Variants in FAM13B observed in about 807,000 individuals in gnomAD.
FAM13B encodes the protein family with sequence similarity 13 member B, also known as protein FAM13B.
FAM13B carries 60 observed loss-of-function variants against 117.3 expected under a neutral mutation model. That is an observed-to-expected ratio of 0.51 (90% CI 0.42 to 0.63). FAM13B has a LOEUF of 0.63. FAM13B is among the 30% of genes least tolerant of loss of function. FAM13B has a pLI of 0.00. For missense variants in FAM13B, 972 were observed against 1,091.9 expected, an observed-to-expected ratio of 0.89 and a Z score of 1.55; for synonymous variants, 332 against 356.1, an observed-to-expected ratio of 0.93 and a Z score of 0.76.
In FAM13B at chr5:137,940,006, G is replaced by C; in HGVS notation, c.*219C>G. ...AAACCATATGTTTGCTAAAGGTGGA[G>C]AGGACAGTCTGTGGTTAATATGGAA... On this transcript the variant is annotated 3_prime_UTR_variant, in exon 24 of 24. Coordinates refer to ENST00000689681, the MANE Select transcript of FAM13B (RefSeq NM_001385994.1). The C allele has an allele frequency of 1.2e-6, 2 of 1,600,140 alleles. No homozygotes were observed. The highest frequency in any genetic ancestry group is 4.5e-5 in the East Asian group (2 of 44,650).
intron 7 of FAM13B, among the ~76,000 whole-genome samples, chr5:138,002,832 ATTT>A (rs377234068): frequency 7.2e-6 from 1 of 138,962 alleles, no homozygotes. Context: ...CACCCGGCTA[ATTT>A]TTTTTTTTTT....
In FAM13B at chr5:138,023,401, C is replaced by A. The variant is rs114422921; in HGVS notation, c.-202-2204G>T. ...AGGTATTCTTTAACCCTTAATTAGA[C>A]ATTGCAAGGCTCACCAATTTACCCA... is the stretch of plus-strand genomic sequence containing the variant. On this transcript the variant is annotated intron_variant, in intron 1 of 23. Transcript: ENST00000689681. 6.7e-3 allele frequency among the ~76,000 whole-genome samples: 1,024 copies of A among 152,218 alleles called. 12 individuals carry two copies. The highest frequency in any genetic ancestry group is 0.023 in the African/African-American group (936 of 41,526).
At chr5:138,029,551 GA>G (rs1328307171) in intron 1 of FAM13B, among the ~76,000 whole-genome samples, 3 of 152,036 alleles carry the variant, frequency 2.0e-5, no homozygotes, top group East Asian at 1.9e-4. Context: ...TTTTGCTATT[GA>G]AAAAAACTCC....
At chr5:137,950,161 C>T (rs1225661100) in intron 17 of FAM13B, among the ~76,000 whole-genome samples, 2 of 152,152 alleles carry the variant, frequency 1.3e-5, no homozygotes, top group Non-Finnish European at 1.5e-5. Flanking sequence ...AGTAAAATAA[C>T]TTTAAAGAAT....
intron 1 of FAM13B, among the ~76,000 whole-genome samples, chr5:138,050,115 G>A (rs1791757441): frequency 6.6e-6 from 1 of 152,130 alleles, no homozygotes; most frequent in Non-Finnish European, 1.5e-5. Context: ...TCCAGCCTGA[G>A]TGACAGAGTG....
chr5:138,006,391 C>G (rs1782584286), intron 7 of FAM13B, among the ~76,000 whole-genome samples: 1 of 152,080 alleles, frequency 6.6e-6, no homozygotes, highest in Non-Finnish European at 1.5e-5. Context: ...TGGGTTACAT[C>G]CTTTAAGTAG....
At chr5:138,031,035 A>C (rs1207175964) in intron 1 of FAM13B, among the ~76,000 whole-genome samples, 1 of 152,126 alleles carries the variant, frequency 6.6e-6, no homozygotes, top group Non-Finnish European at 1.5e-5. Flanking sequence ...TGTCTCAAAA[A>C]AAAAAACAAA....
Position 137,953,364 on chromosome 5 carries a change from T to C in FAM13B, c.1820A>G (p.Glu607Gly), listed in dbSNP as rs1255182793. The C allele has an allele frequency of 1.9e-6, 3 of 1,614,046 alleles. No individual in the cohort carries two copies. Among genetic ancestry groups the C allele is most frequent in the Non-Finnish European group, 2.5e-6 (3 of 1,179,936 alleles). ...KLQKKIRQFE[E>G]QFERERNSKP... ...GCTATTTCTTTCCCTTTCAAACTGT[T>C]CCTCAAATTGTCTGATTTTCTTCTG... Residue 607 changes from glutamate to glycine, a missense_variant, in exon 16 of 24, where the codon GAA (glutamate) becomes GGA (glycine). By Grantham distance (98) the Glu-to-Gly change is moderately conservative. Coordinates refer to ENST00000689681, the MANE Select transcript of FAM13B (RefSeq NM_001385994.1).
At chr5:137,991,355 C>T (rs1266320120) in intron 7 of FAM13B, among the ~76,000 whole-genome samples, 2 of 152,094 alleles carry the variant, frequency 1.3e-5, no homozygotes, top group Non-Finnish European at 2.9e-5. Context: ...ACAACGTGTG[C>T]AACTATGTAC....
intron 10 of FAM13B, among the ~76,000 whole-genome samples, chr5:137,968,019 C>T (rs1239223321): frequency 2.0e-5 from 3 of 151,932 alleles, no homozygotes; most frequent in Non-Finnish European, 4.4e-5. Flanking sequence ...GTCAGGAGTT[C>T]GAGACCAACC....
chr5:138,023,853 C>A (rs950769754), intron 1 of FAM13B, among the ~76,000 whole-genome samples: 3 of 152,196 alleles, frequency 2.0e-5, no homozygotes, highest in African/African-American at 7.2e-5. Flanking sequence ...ATCCACCATG[C>A]CCGGCCTCAA....
At chr5:138,043,194 T>C (rs1202576931) in intron 1 of FAM13B, among the ~76,000 whole-genome samples, 1 of 151,992 alleles carries the variant, frequency 6.6e-6, no homozygotes, top group Non-Finnish European at 1.5e-5. Flanking sequence ...TGAGACCCTG[T>C]CTCTATAAAA....
intron 6 of FAM13B, among the ~76,000 whole-genome samples, chr5:138,009,608 G>T (rs112278673): frequency 7.0e-4 from 107 of 152,078 alleles, no homozygotes; most frequent in African/African-American, 2.5e-3. Flanking sequence ...AGTTCGAGAC[G>T]AGTCTGGCCA....
chr5:137,983,176 TAAAAAA>T (rs56880991), intron 10 of FAM13B, among the ~76,000 whole-genome samples: 6 of 75,098 alleles, frequency 8.0e-5, no homozygotes, highest in African/African-American at 1.7e-4. Flanking sequence ...CCAGTGTAGG[TAAAAAA>T]AAAAAAAAAA....
At chr5:138,042,482 A>G (rs1448168376) in intron 1 of FAM13B, among the ~76,000 whole-genome samples, 1 of 152,214 alleles carries the variant, frequency 6.6e-6, no homozygotes, top group African/African-American at 2.4e-5. Flanking sequence ...ATACTTCTCC[A>G]TATGTATTTT....
At chr5:138,029,580 A>C (rs942509862) in intron 1 of FAM13B, among the ~76,000 whole-genome samples, 1 of 152,150 alleles carries the variant, frequency 6.6e-6, no homozygotes, top group Non-Finnish European at 1.5e-5. Flanking sequence ...CCTAATTCTA[A>C]ATTTCAGCTC....
chr5:138,040,806 G>A (rs1463113579), intron 1 of FAM13B, among the ~76,000 whole-genome samples: 1 of 152,146 alleles, frequency 6.6e-6, no homozygotes, highest in East Asian at 1.9e-4. Flanking sequence ...GCTCACGCCT[G>A]TAATCCCAGC....
chr5:138,008,559 A>G (rs1052441167), intron 6 of FAM13B, among the ~76,000 whole-genome samples: 31 of 152,218 alleles, frequency 2.0e-4, no homozygotes, highest in African/African-American at 7.5e-4. Flanking sequence ...AACTTGTCCA[A>G]GTCTTAAGTA....
chr5:137,940,501 C>T, intron 23 of FAM13B, 153 bp from the exon 24 acceptor site: 1 of 583,814 alleles, frequency 1.7e-6, no homozygotes, highest in Non-Finnish European at 3.0e-6. Context: ...TGAACTAATA[C>T]CCTCATCCCC....
Sources: allele counts gnomAD v4.1 joint callset (sites outside exome capture counted in the v4.1 genomes callset), GRCh38; gene constraint gnomAD v4.1.1; transcripts MANE v1.5; gene names NCBI Gene and HGNC (gene_info 2026-07-23, HGNC 2026-07-21).